Variants in ANK2 observed in about 807,000 individuals in gnomAD.
ANK2 encodes the protein ankyrin-2.
In ANK2, 83 loss-of-function variants were observed where a neutral mutation model predicts 360.5. That is an observed-to-expected ratio of 0.23 (90% CI 0.19 to 0.28). The LOEUF (loss-of-function observed/expected upper bound fraction) is 0.28, where lower values mean the gene tolerates loss of function less well. Ranked by LOEUF, ANK2 falls within the 10% of genes least tolerant of loss-of-function variation. The pLI is 1.00. For synonymous variants in ANK2, 1,740 were observed against 1,759.5 expected, an observed-to-expected ratio of 0.99 and a Z score of 0.28; for missense variants, 4,201 against 4,795.7, an observed-to-expected ratio of 0.88 and a Z score of 3.66.
chr4:113,144,778 T>G (rs1179358724), intron 1 of ANK2, among the ~76,000 whole-genome samples: 1 of 147,500 alleles, frequency 6.8e-6, no homozygotes, highest in East Asian at 1.9e-4. Flanking sequence ...AACTATATAC[T>G]ACTTAAACTA....
the ANK2 span, among the ~76,000 whole-genome samples, chr4:112,766,152 T>G: frequency 1.3e-5 from 2 of 151,690 alleles, no homozygotes; most frequent in African/African-American, 4.8e-5. Flanking sequence ...GCCAATATGG[T>G]GAAACCCCAT....
At chr4:113,317,419 T>TG (rs1563706353) in intron 24 of ANK2, 1 of 434,454 alleles carries the variant, frequency 2.3e-6, no homozygotes, top group Non-Finnish European at 4.3e-6. Context: ...AAACTACAGT[T>TG]GCTGGTTTCA....
Position 113,355,901 on chromosome 4 carries a change from C to T in ANK2, c.7283C>T (p.Ser2428Leu), listed in dbSNP as rs772544901. Residue 2428 changes from serine (S) to leucine (L), a missense_variant, in exon 38 of 46, where the codon TCA becomes TTA. Ser to Leu is a moderately radical substitution (Grantham distance 145, BLOSUM62 -2). Coordinates refer to ENST00000357077, the MANE Select transcript of ANK2 (RefSeq NM_001148.6). ...SEVLSAVADD[S>L]LAVSHKDSLE... ...GTCCTCAGCGCTGTGGCTGATGACT[C>T]ATTAGCAGTGAGCCACAAAGACTCT... 3.7e-6 allele frequency: 6 copies of T among 1,613,986 alleles called. No homozygotes were observed. Among genetic ancestry groups the T allele is most frequent in the Admixed American group, 1.7e-5 (1 of 59,998 alleles).
At chr4:112,795,750 C>T in the ANK2 span, among the ~76,000 whole-genome samples, 43 of 151,030 alleles carry the variant, frequency 2.8e-4, no homozygotes, top group African/African-American at 1.0e-3. Context: ...GATCCACCTG[C>T]CTCAGCCTCC....
chr4:112,713,826 C>T, the ANK2 span, among the ~76,000 whole-genome samples: 7 of 150,430 alleles, frequency 4.7e-5, no homozygotes, highest in South Asian at 2.1e-4. Context: ...CCCAGCTACT[C>T]GGGAGGCTGA....
chr4:113,000,518 A>G (rs1463346748), intron 2 of ANK2, among the ~76,000 whole-genome samples: 1 of 152,130 alleles, frequency 6.6e-6, no homozygotes, highest in Admixed American at 6.6e-5. Context: ...TTCCTACTTC[A>G]TTGTCCAGTG....
intron 2 of ANK2, among the ~76,000 whole-genome samples, chr4:112,983,828 T>G (rs895055756): frequency 6.6e-6 from 1 of 152,182 alleles, no homozygotes; most frequent in Non-Finnish European, 1.5e-5. Flanking sequence ...CAGCTGTCTT[T>G]CCCTTTTCCT....
chr4:113,225,767 A>G (rs1413962155), intron 4 of ANK2, among the ~76,000 whole-genome samples: 1 of 152,208 alleles, frequency 6.6e-6, no homozygotes, highest in Non-Finnish European at 1.5e-5. Context: ...ATATGTAAAA[A>G]TATAAATATT....
At chr4:113,377,343 C>T (rs2096983808) in intron 45 of ANK2, among the ~76,000 whole-genome samples, 1 of 152,120 alleles carries the variant, frequency 6.6e-6, no homozygotes, top group Non-Finnish European at 1.5e-5. Flanking sequence ...CACTAGGTGA[C>T]AGGAATTTTT....
At chr4:112,973,387 AGTGAT>A (rs1202755643) in intron 2 of ANK2, among the ~76,000 whole-genome samples, 1 of 152,168 alleles carries the variant, frequency 6.6e-6, no homozygotes, top group Non-Finnish European at 1.5e-5. Context: ...ATAAAAGCAA[AGTGAT>A]GTGCTCAAGA....
intron 4 of ANK2, among the ~76,000 whole-genome samples, chr4:113,223,882 C>T (rs2099182421): frequency 6.6e-6 from 1 of 152,196 alleles, no homozygotes; most frequent in African/African-American, 2.4e-5. Context: ...GAGCTGAATT[C>T]ACCTGAAGGC....
At chr4:112,928,797 G>C (rs1337901496) in intron 2 of ANK2, among the ~76,000 whole-genome samples, 1 of 151,874 alleles carries the variant, frequency 6.6e-6, no homozygotes, top group Admixed American at 6.6e-5. Context: ...TGAACTTTTA[G>C]CTCCCAGAAT....
chr4:112,707,476 C>T, the ANK2 span, among the ~76,000 whole-genome samples: 1 of 152,106 alleles, frequency 6.6e-6, no homozygotes, highest in African/African-American at 2.4e-5. Context: ...TATGACAATG[C>T]ATTTTTAATT....
chr4:112,898,259 T>G (rs1484276075), intron 1 of ANK2, among the ~76,000 whole-genome samples: 2 of 152,204 alleles, frequency 1.3e-5, no homozygotes, highest in African/African-American at 4.8e-5. Context: ...ATTGAGATTT[T>G]TAAAGTTTTT....
At chr4:113,042,737 G>T (rs2063287141) in intron 2 of ANK2, among the ~76,000 whole-genome samples, 1 of 152,096 alleles carries the variant, frequency 6.6e-6, no homozygotes, top group African/African-American at 2.4e-5. Flanking sequence ...TTCCACCAGA[G>T]GGCATTCTCC....
chr4:112,947,696 A>G (rs1054592480), intron 2 of ANK2, among the ~76,000 whole-genome samples: 1 of 152,246 alleles, frequency 6.6e-6, no homozygotes, highest in African/African-American at 2.4e-5. Context: ...AGCAATTTAT[A>G]TAATCACTTT....
At chr4:113,376,903 C>T (rs1324603771) in intron 45 of ANK2, among the ~76,000 whole-genome samples, 2 of 149,096 alleles carry the variant, frequency 1.3e-5, no homozygotes, top group African/African-American at 4.9e-5. Context: ...TCTTCCTCCT[C>T]CACATATTGT....
chr4:113,282,945 T>A, intron 18 of ANK2, 73 bp downstream of exon 18: 6 of 1,534,968 alleles, frequency 3.9e-6, no homozygotes, highest in Non-Finnish European at 5.4e-6. Flanking sequence ...GCAGACAGTT[T>A]GGAACAAAAA....
At chr4:113,329,728 C>G (rs2091837653) in intron 26 of ANK2, among the ~76,000 whole-genome samples, 1 of 152,152 alleles carries the variant, frequency 6.6e-6, no homozygotes, top group African/African-American at 2.4e-5. Context: ...CATTTCTCCT[C>G]CTTTAGAATA....
Sources: allele counts gnomAD v4.1 joint callset (sites outside exome capture counted in the v4.1 genomes callset), GRCh38; gene constraint gnomAD v4.1.1; transcripts MANE v1.5; gene names NCBI Gene and HGNC (gene_info 2026-07-23, HGNC 2026-07-21).